Variants in ANXA11 observed in about 807,000 individuals in gnomAD.
ANXA11 encodes annexin A11, also known as 56 kDa autoantigen.
In ANXA11, 57 loss-of-function variants were observed where a neutral mutation model predicts 64.7. That is an observed-to-expected ratio of 0.88 (90% CI 0.71 to 1.10). ANXA11 has a LOEUF of 1.10. Among genes scored for constraint, ANXA11 ranks in the 50% least tolerant of loss-of-function variants. The pLI is 0.00. For missense variants in ANXA11, 675 were observed against 670.7 expected, an observed-to-expected ratio of 1.01 and a Z score of -0.07; for synonymous variants, 260 against 265.2, an observed-to-expected ratio of 0.98 and a Z score of 0.19.
chr10:80,169,327 G>A lies in ANXA11; in HGVS notation c.203C>T (p.Ala68Val), dbSNP rs1332130939. The change falls in exon 5 of 16, where the codon GCC becomes GTC. Residue 68 changes from alanine (A) to valine (V), a missense_variant. Transcript: ENST00000422982. ...CCCAGGGTACAGGTTGGGCATGTTG[G>A]CTCCTCCAAATGTCCCAGACATGTT... is the stretch of plus-strand genomic sequence containing the variant. The part of the protein sequence containing the change: ...AANMSGTFGG[A>V]NMPNLYPGAP... The A allele has an allele frequency of 2.5e-6, 4 of 1,609,164 alleles. No homozygotes were observed. The highest frequency in any genetic ancestry group is 3.4e-4 in the Middle Eastern group (2 of 5,896).
At chr10:80,156,327 G>C (rs1845274122) in intron 15 of ANXA11, 2 of 439,310 alleles carry the variant, frequency 4.6e-6, no homozygotes, top group Non-Finnish European at 9.4e-6. Context: ...GGAAGGCTCA[G>C]ACTGCCCAGG....
At chr10:80,191,998 C>T (rs1320250088) in intron 1 of ANXA11, among the ~76,000 whole-genome samples, 3 of 152,202 alleles carry the variant, frequency 2.0e-5, no homozygotes, top group Admixed American at 6.5e-5. Flanking sequence ...CACTCCCAGG[C>T]TAGAGCTCAT....
At chr10:80,177,794 C>G (rs1162308894) in intron 1 of ANXA11, among the ~76,000 whole-genome samples, 1 of 152,128 alleles carries the variant, frequency 6.6e-6, no homozygotes, top group East Asian at 1.9e-4. Context: ...GTTTATCTGC[C>G]TAATTACCCC....
intron 1 of ANXA11, among the ~76,000 whole-genome samples, chr10:80,190,960 T>C (rs1846749219): frequency 6.6e-6 from 1 of 151,848 alleles, no homozygotes; most frequent in East Asian, 2.0e-4. Flanking sequence ...GCACAGAGAC[T>C]CATGCCTATA....
intron 3 of ANXA11, chr10:80,171,734 C>A: frequency 1.0e-6 from 1 of 985,554 alleles, no homozygotes; most frequent in Non-Finnish European, 1.2e-6. Context: ...GCTCCAGACC[C>A]TCCAGGAAGA....
intron 1 of ANXA11, among the ~76,000 whole-genome samples, chr10:80,197,725 A>G (rs1283392592): frequency 6.6e-6 from 1 of 152,160 alleles, no homozygotes; most frequent in African/African-American, 2.4e-5. Flanking sequence ...GATCGAGACC[A>G]TCCTGGCTAA....
Position 80,193,811 on chromosome 10 carries a change from C to CAAA in ANXA11, c.-58+11529_-58+11531dup, listed in dbSNP as rs546354623. Among the ~76,000 whole-genome samples the CAAA allele has an allele frequency of 1.1e-3, 121 of 114,468 alleles. 1 individual carries two copies. In the East Asian group the frequency reaches 0.014, roughly 13 times the overall value. 75.1% of individuals were successfully genotyped at this position (114,468 alleles called of 152,430 possible). On this transcript the variant is annotated intron_variant, in intron 1 of 15. Coordinates refer to ENST00000422982, the MANE Select transcript of ANXA11 (RefSeq NM_145868.2). ...TGGGCAACAGAGGGAGACTCTGTCT[C>CAAA]AAAAAAAAAAAAAAAAAGACAGAAT...
At position 80,155,860 on chromosome 10, in the gene ANXA11, T is replaced by C. The variant is rs2132352063; in HGVS notation, c.1511A>G (p.Asn504Ser). 2.5e-6 allele frequency: 4 copies of C among 1,614,216 alleles called. No individual in the cohort carries two copies. Among genetic ancestry groups the C allele is most frequent in the Middle Eastern group, 1.6e-4 (1 of 6,062 alleles). ...RKILLKICGG[N>S]D Reference sequence around the variant, plus strand: ...TGAGCCACCAGTCACTGTTCAGTCATTGCCACCACAGATCTTCAGCAGAAT... The same window carrying C: ...TGAGCCACCAGTCACTGTTCAGTCACTGCCACCACAGATCTTCAGCAGAAT... The change falls in exon 16 of 16, where the codon AAT (asparagine) becomes AGT (serine). Residue 504 changes from asparagine to serine, a missense_variant. By Grantham distance (46) the Asn-to-Ser change is conservative (BLOSUM62 1). Coordinates refer to ENST00000422982, the MANE Select transcript of ANXA11 (RefSeq NM_145868.2).
At chr10:80,160,878 C>T (rs1318477024) in intron 12 of ANXA11, among the ~76,000 whole-genome samples, 1 of 152,108 alleles carries the variant, frequency 6.6e-6, no homozygotes, top group Non-Finnish European at 1.5e-5. Context: ...ACTGCTTGGC[C>T]TAAAGAAACC....
At chr10:80,175,246 G>A (rs1846128055) in intron 2 of ANXA11, among the ~76,000 whole-genome samples, 1 of 152,194 alleles carries the variant, frequency 6.6e-6, no homozygotes, top group Non-Finnish European at 1.5e-5. Flanking sequence ...TAATCTGGGG[G>A]ATGTAAATGA....
intron 1 of ANXA11, among the ~76,000 whole-genome samples, chr10:80,199,233 G>A (rs187875386): frequency 6.6e-6 from 1 of 151,890 alleles, no homozygotes; most frequent in African/African-American, 2.4e-5. Flanking sequence ...GAGTAGCTGG[G>A]ACTATAGGCG....
intron 1 of ANXA11, among the ~76,000 whole-genome samples, chr10:80,195,494 C>A (rs1053583152): frequency 6.6e-6 from 1 of 152,198 alleles, no homozygotes; most frequent in African/African-American, 2.4e-5. Flanking sequence ...ACCTCAGGGA[C>A]ATGCATGATG....
chr10:80,167,325 AAC>A lies in ANXA11; in HGVS notation c.562-14_562-13del. The A allele has an allele frequency of 6.2e-7, 1 of 1,613,640 alleles. No homozygotes were observed. The highest frequency in any genetic ancestry group is 2.2e-5 in the East Asian group (1 of 44,856). On this transcript the variant is annotated splice_polypyrimidine_tract_variant and intron_variant, in intron 5 of 15. Transcript: ENST00000422982. ...CCTCGGCTTCCAAACTACTCGGACA[AAC>A]AGTCTCAGGTAAGATGTCGTGCATG...
At chr10:80,157,285 G>C in intron 15 of ANXA11, 3 of 985,426 alleles carry the variant, frequency 3.0e-6, no homozygotes, top group African/African-American at 1.7e-5. Flanking sequence ...GAAGTGCTTT[G>C]TCAGGGAGTG....
At chr10:80,193,517 A>G (rs928349405) in intron 1 of ANXA11, among the ~76,000 whole-genome samples, 4 of 152,134 alleles carry the variant, frequency 2.6e-5, no homozygotes, top group Non-Finnish European at 4.4e-5. Flanking sequence ...GCACAATAAA[A>G]TAAGCATCCT....
chr10:80,162,680 G>A (rs542530829), intron 11 of ANXA11, among the ~76,000 whole-genome samples: 17 of 152,300 alleles, frequency 1.1e-4, no homozygotes, highest in African/African-American at 3.4e-4. Flanking sequence ...TTCCAATCCC[G>A]CAGATGGTAG....
At chr10:80,197,982 G>C (rs1177283410) in intron 1 of ANXA11, among the ~76,000 whole-genome samples, 1 of 152,134 alleles carries the variant, frequency 6.6e-6, no homozygotes, top group Non-Finnish European at 1.5e-5. Context: ...TCGATCCCAT[G>C]GGGTCTGGAA....
Position 80,158,031 on chromosome 10 carries a change from A to T in ANXA11, c.1277-6T>A. On this transcript the variant is annotated splice_polypyrimidine_tract_variant and splice_region_variant and intron_variant, in intron 13 of 15. Transcript: ENST00000422982. ...GGTATTCTTGAGACATTTCACTAGA[A>T]GAGAGAAACTCGGCATAACCAGATC... 1.9e-6 allele frequency: 3 copies of T among 1,614,036 alleles called. No individual in the cohort carries two copies. The highest frequency in any genetic ancestry group is 2.5e-6 in the Non-Finnish European group (3 of 1,179,896).
At chr10:80,163,923 G>T (rs1845622529) in intron 9 of ANXA11, 130 bp downstream of exon 9, 2 of 748,556 alleles carry the variant, frequency 2.7e-6, no homozygotes, top group African/African-American at 1.8e-5. Flanking sequence ...AAGTATTGGG[G>T]GTGGCAGAAG....
Sources: gnomAD v4.1 joint callset for allele counts (sites outside exome capture counted in the v4.1 genomes callset) on GRCh38, gnomAD v4.1.1 for gene constraint, MANE v1.5 for transcripts, NCBI Gene and HGNC (gene_info 2026-07-23, HGNC 2026-07-21) for gene names.